TNS3: variants seen among roughly 807,000 people sequenced by gnomAD.
TNS3 encodes tensin 3.
A neutral mutation model predicts 140.9 loss-of-function variants in TNS3; 45 were observed. The ratio of observed to expected loss-of-function variants is 0.32; its 90% CI spans 0.25 to 0.41. The LOEUF is 0.41. TNS3 is among the 10% of genes least tolerant of loss of function. TNS3 has a pLI of 1.00. For synonymous variants in TNS3, 815 were observed against 788.4 expected, an observed-to-expected ratio of 1.03 and a Z score of -0.56; for missense variants, 1,716 against 1,906.7, an observed-to-expected ratio of 0.90 and a Z score of 1.86.
intron 13 of TNS3, among the ~76,000 whole-genome samples, chr7:47,409,298 A>G (rs1793625989): frequency 6.7e-6 from 1 of 150,288 alleles, no homozygotes; most frequent in Non-Finnish European, 1.5e-5. Context: ...AAGACCCTGC[A>G]GCTACCAGCC....
At chr7:47,582,361 A>G, upstream of TNS3, 1 of 453,234 alleles carries the variant, frequency 2.2e-6, no homozygotes, top group Non-Finnish European at 4.4e-6. Context: ...TATCAGACCC[A>G]TTGAGCAGCC....
At chr7:47,484,219 A>G (rs1462727962) in intron 3 of TNS3, among the ~76,000 whole-genome samples, 1 of 152,250 alleles carries the variant, frequency 6.6e-6, no homozygotes, top group Non-Finnish European at 1.5e-5. Context: ...ATTTGCAAAT[A>G]AAAATGCACA....
At chr7:47,489,670 T>C (rs111652815) in intron 3 of TNS3, among the ~76,000 whole-genome samples, 3 of 152,246 alleles carry the variant, frequency 2.0e-5, no homozygotes, top group African/African-American at 2.4e-5. Flanking sequence ...GTATCCATTA[T>C]GTCACCATTA....
chr7:47,480,596 T>C (rs1797377545), intron 4 of TNS3, among the ~76,000 whole-genome samples: 1 of 152,238 alleles, frequency 6.6e-6, no homozygotes, highest in South Asian at 2.1e-4. Flanking sequence ...CAGACAGCAA[T>C]TTAAATTTGC....
intron 1 of TNS3, among the ~76,000 whole-genome samples, chr7:47,555,357 T>G (rs1422919230): frequency 6.8e-6 from 1 of 148,082 alleles, no homozygotes; most frequent in Non-Finnish European, 1.5e-5. Flanking sequence ...GCTGAAATCA[T>G]GCCAACACAC....
chr7:47,506,005 G>A (rs1798403959), intron 3 of TNS3, among the ~76,000 whole-genome samples: 1 of 152,160 alleles, frequency 6.6e-6, no homozygotes, highest in Non-Finnish European at 1.5e-5. Flanking sequence ...AGGCAGGGCT[G>A]GAAATGATCA....
upstream of TNS3, chr7:47,582,304 G>T (rs1784556720): frequency 5.1e-6 from 2 of 389,084 alleles, no homozygotes; most frequent in South Asian, 1.9e-5. Context: ...CCCTGCCGAG[G>T]TGCGCCCTGG....
intron 16 of TNS3, among the ~76,000 whole-genome samples, chr7:47,390,291 A>G (rs1032470224): frequency 4.6e-5 from 7 of 152,260 alleles, no homozygotes; most frequent in African/African-American, 1.7e-4. Flanking sequence ...TTTCAAATCC[A>G]TTTTCAAAGT....
intron 4 of TNS3, among the ~76,000 whole-genome samples, chr7:47,472,175 A>G (rs1295254274): frequency 2.0e-5 from 3 of 152,196 alleles, no homozygotes; most frequent in Admixed American, 6.5e-5. Flanking sequence ...GAACCCAGTC[A>G]TGGAAATCAG....
rs1357372606 is a variant in TNS3, at chr7:47,368,452, A to G, written c.2194T>C (p.Ser732Pro). ...AGCCCACCTCCCACGCTGTCTGGAG[A>G]CACAGAGCCATTGGCCTGGCTACCG... ...ALGSQANGSV[S>P]PDSVGGGLRA... Residue 732 changes from serine to proline, a missense_variant, in exon 17 of 31, where the codon TCT becomes CCT. Physicochemically the swap from Ser to Pro is moderately conservative, Grantham distance 74 (BLOSUM62 -1). This residue lies in a region of TNS3 where 1,163 missense variants were observed against 1,182.1 expected (regional missense o/e 0.98). Coordinates refer to ENST00000311160, the MANE Select transcript of TNS3 (RefSeq NM_022748.12). The G allele has an allele frequency of 1.1e-5, 17 of 1,574,768 alleles. No individual in the cohort carries two copies. Among genetic ancestry groups the G allele is most frequent in the Non-Finnish European group, 1.5e-5 (17 of 1,154,264 alleles).
At chr7:47,440,570 G>C (rs981868526) in intron 5 of TNS3, among the ~76,000 whole-genome samples, 3 of 152,288 alleles carry the variant, frequency 2.0e-5, no homozygotes, top group African/African-American at 7.2e-5. Flanking sequence ...TGTGGAGTCA[G>C]GCACCCAATG....
At chr7:47,507,810 G>T (rs1405151881) in intron 2 of TNS3, among the ~76,000 whole-genome samples, 1 of 152,154 alleles carries the variant, frequency 6.6e-6, no homozygotes, top group Non-Finnish European at 1.5e-5. Flanking sequence ...GGAACGTCGG[G>T]TACATGCCCT....
chr7:47,476,459 A>C (rs1298786991), intron 4 of TNS3, among the ~76,000 whole-genome samples: 1 of 152,194 alleles, frequency 6.6e-6, no homozygotes, highest in African/African-American at 2.4e-5. Flanking sequence ...TAGTTACCTG[A>C]ACAATGGTGA....
At chr7:47,464,295 C>T (rs575012956) in intron 4 of TNS3, among the ~76,000 whole-genome samples, 21 of 152,314 alleles carry the variant, frequency 1.4e-4, no homozygotes, top group African/African-American at 4.8e-4. Flanking sequence ...AGAATATTTT[C>T]TGGAGCACGT....
intron 13 of TNS3, among the ~76,000 whole-genome samples, chr7:47,411,331 T>C (rs934329310): frequency 6.6e-6 from 1 of 152,232 alleles, no homozygotes; most frequent in Admixed American, 6.5e-5. Flanking sequence ...CAGAAGATGA[T>C]TTTTCCATGG....
chr7:47,345,672 A>C (rs553059199), intron 18 of TNS3, among the ~76,000 whole-genome samples: 68 of 152,154 alleles, frequency 4.5e-4, no homozygotes, highest in South Asian at 8.3e-4. Context: ...GAAGAGCAAG[A>C]AGCTCTCATC....
At chr7:47,511,960 G>A (rs1798628559) in intron 2 of TNS3, among the ~76,000 whole-genome samples, 1 of 152,206 alleles carries the variant, frequency 6.6e-6, no homozygotes, top group Non-Finnish European at 1.5e-5. Context: ...TGCCTTCCAC[G>A]AAGCTCCATG....
chr7:47,460,522 C>T (rs1399255039), intron 4 of TNS3, among the ~76,000 whole-genome samples: 1 of 152,212 alleles, frequency 6.6e-6, no homozygotes, highest in African/African-American at 2.4e-5. Context: ...CCAGGAGCAA[C>T]CTTCAGCTCC....
chr7:47,343,321 C>T (rs1235819755), intron 20 of TNS3, among the ~76,000 whole-genome samples: 2 of 152,236 alleles, frequency 1.3e-5, no homozygotes, highest in Non-Finnish European at 1.5e-5. Flanking sequence ...TTAGACGGGG[C>T]TCCACATTCT....
Sources: gnomAD v4.1 joint callset for allele counts (sites outside exome capture counted in the v4.1 genomes callset) on GRCh38, gnomAD v4.1.1 for gene constraint, gnomAD v4.1.1 regional missense constraint, MANE v1.5 for transcripts, NCBI Gene and HGNC (gene_info 2026-07-23, HGNC 2026-07-21) for gene names.